DERA: variants seen among roughly 807,000 people sequenced by gnomAD.
DERA encodes deoxyribose-phosphate aldolase, also known as 2-deoxy-D-ribose 5-phosphate aldolase.
Under a neutral mutation model 41.1 loss-of-function variants are expected in DERA, and 15 were observed. The observed-to-expected ratio is 0.37, with a 90% CI of 0.24 to 0.56. DERA has a LOEUF of 0.56. Ranked by LOEUF, DERA falls within the 20% of genes least tolerant of loss-of-function variation. The pLI is 0.81. For missense variants in DERA, 396 were observed against 403.4 expected (o/e 0.98, Z 0.16); for synonymous variants, 139 against 137.4 (o/e 1.01, Z -0.08).
chr12:15,958,620 T>C (rs1948559572), intron 3 of DERA, among the ~76,000 whole-genome samples: 1 of 152,018 alleles, frequency 6.6e-6, no homozygotes, highest in African/African-American at 2.4e-5. Context: ...GGAAAATTTC[T>C]GTTTAGTGAC....
At position 16,008,620 on chromosome 12, in the gene DERA, C is replaced by T. The variant is rs563247166; in HGVS notation, c.638-23922C>T. Among the ~76,000 whole-genome samples the T allele has an allele frequency of 1.7e-4, 26 of 152,300 alleles. No individual in the cohort carries two copies. Among genetic ancestry groups the T allele is most frequent in the Admixed American group, 1.4e-3 (22 of 15,298 alleles). The stretch of plus-strand genomic sequence containing the variant: ...GGATTGAGTGTGGCCACAGATAGCA[C>T]GGAACATGATAACGGTGGCTTAAAT... On this transcript the variant is annotated intron_variant, in intron 6 of 8. Coordinates refer to ENST00000428559, the MANE Select transcript of DERA (RefSeq NM_015954.4). The surrounding 1 kb of genome is among the most constrained non-coding windows in gnomAD (Gnocchi z 4.8).
intron 4 of DERA, among the ~76,000 whole-genome samples, chr12:15,962,428 C>T (rs1361665186): frequency 6.6e-6 from 1 of 152,152 alleles, no homozygotes; most frequent in Non-Finnish European, 1.5e-5. Context: ...GATTTGGACC[C>T]AGAACTAGTG....
At chr12:15,951,374 G>T (rs1208424900) in intron 1 of DERA, 4 of 152,256 alleles carry the variant, frequency 2.6e-5, no homozygotes, top group African/African-American at 7.2e-5. Flanking sequence ...CTGACATTGT[G>T]TAGCTGTATC....
Position 15,999,760 on chromosome 12 carries a change from G to T in DERA, c.637+17324G>T, listed in dbSNP as rs1948862316. Among the ~76,000 whole-genome samples, 1 of 152,128 alleles carries T rather than the reference G, an allele frequency of 6.6e-6. No homozygotes were observed. Among genetic ancestry groups the T allele is most frequent in the Non-Finnish European group, 1.5e-5 (1 of 68,028 alleles). On this transcript the variant is annotated intron_variant, in intron 6 of 8. Coordinates refer to ENST00000428559, the MANE Select transcript of DERA (RefSeq NM_015954.4). This position sits in a 1 kb window ranked among gnomAD's most constrained non-coding sequence, Gnocchi z 5.3. ...GCCTGAGGAATGAATGATTGACTGA[G>T]TAACTCATTCATTCATTCATTTATT...
At chr12:16,028,763 A>G (rs865945903) in intron 6 of DERA, among the ~76,000 whole-genome samples, 1 of 152,190 alleles carries the variant, frequency 6.6e-6, no homozygotes, top group Non-Finnish European at 1.5e-5. Flanking sequence ...GTGATGAGAA[A>G]AACATTTAAC....
intron 1 of DERA, among the ~76,000 whole-genome samples, chr12:15,934,259 G>T (rs1355112412): frequency 6.6e-6 from 1 of 152,108 alleles, no homozygotes; most frequent in African/African-American, 2.4e-5. Context: ...TAGACAGCCT[G>T]CGGGTTTGGA....
rs1171065504 is a variant in DERA at position 15,988,591 on chromosome 12, G to A, written c.637+6155G>A. On this transcript the variant is annotated intron_variant, in intron 6 of 8. Transcript: ENST00000428559. This position sits in a 1 kb window ranked among gnomAD's most constrained non-coding sequence, Gnocchi z 6.0. ...GATTGGTCCATGGGCGGCCATGGAT[G>A]GGCCTGGAAAAAGCACCATCGGACT... Among the ~76,000 whole-genome samples the A allele has an allele frequency of 6.6e-6, 1 of 152,106 alleles. No individual in the cohort carries two copies. Among genetic ancestry groups the A allele is most frequent in the African/African-American group, 2.4e-5 (1 of 41,440 alleles).
intron 6 of DERA, among the ~76,000 whole-genome samples, chr12:16,007,478 C>T (rs1278676331): frequency 1.3e-5 from 2 of 152,048 alleles, no homozygotes; most frequent in African/African-American, 4.8e-5. Flanking sequence ...GCCACTGTGC[C>T]CCGCCAATAG....
At chr12:15,927,385 T>C (rs1330936221) in intron 1 of DERA, among the ~76,000 whole-genome samples, 1 of 152,188 alleles carries the variant, frequency 6.6e-6, no homozygotes, top group Non-Finnish European at 1.5e-5. Flanking sequence ...GAGACAAGTG[T>C]TCATACACTA....
rs921986234 is a variant in DERA, at chr12:15,915,824, C to T, written c.31+4410C>T. 5.9e-5 allele frequency among the ~76,000 whole-genome samples: 9 copies of T among 152,158 alleles called. No individual in the cohort carries two copies. Among genetic ancestry groups the T allele is most frequent in the Non-Finnish European group, 8.8e-5 (6 of 68,032 alleles). On this transcript the variant is annotated intron_variant, in intron 1 of 8. Transcript: ENST00000428559. This position sits in a 1 kb window ranked among gnomAD's most constrained non-coding sequence, Gnocchi z 4.8. ...AGATAGCATGATCCAGGTTTACACA[C>T]GAGCAAACTGAGGTACAGGGAGTTT...
rs145634056 is a variant in DERA at position 15,980,225 on chromosome 12, A to G, written c.509-2083A>G. Among the ~76,000 whole-genome samples, 836 of 152,358 alleles carry G rather than the reference A, an allele frequency of 5.5e-3. 10 individuals carry two copies. The highest frequency in any genetic ancestry group is 0.019 in the African/African-American group (808 of 41,578). On this transcript the variant is annotated intron_variant, in intron 5 of 8. Coordinates refer to ENST00000428559, the MANE Select transcript of DERA (RefSeq NM_015954.4). ...CTCATTCCTGGTAACCCTGTAAAGT[A>G]AATATTATTGACACTTTAAGGATGG...
Position 16,017,636 on chromosome 12 carries a change from A to G in DERA, c.638-14906A>G, listed in dbSNP as rs923671881. On this transcript the variant is annotated intron_variant, in intron 6 of 8. Coordinates refer to ENST00000428559, the MANE Select transcript of DERA (RefSeq NM_015954.4). This position sits in a 1 kb window ranked among gnomAD's most constrained non-coding sequence, Gnocchi z 5.5. ...ATTGCCCTAAGTGATTTCCAAACCT[A>G]TGTTGAACAAAAGAATACAATATTG... is the stretch of plus-strand genomic sequence containing the variant. Among the ~76,000 whole-genome samples, 6 of 152,190 alleles carry G rather than the reference A, an allele frequency of 3.9e-5. No individual in the cohort carries two copies. The highest frequency in any genetic ancestry group is 1.9e-4 in the East Asian group (1 of 5,192).
At chr12:15,953,398 A>G (rs560753306) in intron 1 of DERA, among the ~76,000 whole-genome samples, 3 of 152,358 alleles carry the variant, frequency 2.0e-5, no homozygotes, top group South Asian at 4.1e-4. Context: ...TGGAAAGTCT[A>G]GAAAGTAAAG....
rs544460468 is a variant in DERA, at chr12:16,012,236, A to G, written c.638-20306A>G. ...ACAAGTCCTACACAGTCATGAGTTTATAAGTGTAGTTTTAGAGTTACTCCT... is the reference window on the plus strand; with the variant it reads ...ACAAGTCCTACACAGTCATGAGTTTGTAAGTGTAGTTTTAGAGTTACTCCT... On this transcript the variant is annotated intron_variant, in intron 6 of 8. Transcript: ENST00000428559. This position sits in a 1 kb window ranked among gnomAD's most constrained non-coding sequence, Gnocchi z 4.1. Among the ~76,000 whole-genome samples, 2 of 152,336 alleles carry G rather than the reference A, an allele frequency of 1.3e-5. No homozygotes were observed. Among genetic ancestry groups the G allele is most frequent in the African/African-American group, 2.4e-5 (1 of 41,574 alleles).
In DERA at chr12:15,993,099, G is replaced by T. The variant is rs372497320; in HGVS notation, c.637+10663G>T. Among the ~76,000 whole-genome samples, 22 of 152,148 alleles carry T rather than the reference G, an allele frequency of 1.4e-4. 1 individual carries two copies. In the East Asian group the frequency reaches 4.1e-3, roughly 28 times the overall value. ...TGAAACATGAAAAAGGTAGAATCCA[G>T]GGGAGGGAACATTCAAAATTCAACC... On this transcript the variant is annotated intron_variant, in intron 6 of 8. Coordinates refer to ENST00000428559, the MANE Select transcript of DERA (RefSeq NM_015954.4). This position sits in a 1 kb window ranked among gnomAD's most constrained non-coding sequence, Gnocchi z 4.4.
At chr12:15,923,958 A>G (rs971319348) in intron 1 of DERA, among the ~76,000 whole-genome samples, 74 of 152,118 alleles carry the variant, frequency 4.9e-4, no homozygotes, top group African/African-American at 1.6e-3. Flanking sequence ...ATGTTCTTTC[A>G]TTTCATGAAA....
At chr12:16,032,947 G>A (rs1160842258) in intron 7 of DERA, 1 of 302,736 alleles carries the variant, frequency 3.3e-6, no homozygotes, top group Non-Finnish European at 6.2e-6. Context: ...ATTCCTAAAT[G>A]GGTTCTTTAA....
Position 15,941,557 on chromosome 12 carries a change from C to T in DERA, c.32-15379C>T, listed in dbSNP as rs949304269. ...TCTCTCCCGCTGAATCCTCAGAGTT[C>T]GCTATATCATCCTTATGCCTTTGTG... On this transcript the variant is annotated intron_variant, in intron 1 of 8. Transcript: ENST00000428559. This position sits in a 1 kb window ranked among gnomAD's most constrained non-coding sequence, Gnocchi z 4.5. Among the ~76,000 whole-genome samples the T allele has an allele frequency of 4.6e-5, 7 of 152,110 alleles. No homozygotes were observed. The highest frequency in any genetic ancestry group is 1.2e-4 in the African/African-American group (5 of 41,402).
chr12:15,949,711 C>T (rs1948482429), intron 1 of DERA, among the ~76,000 whole-genome samples: 1 of 152,160 alleles, frequency 6.6e-6, no homozygotes, highest in Non-Finnish European at 1.5e-5. Context: ...CTGTCCTGCA[C>T]CCACTGTCCG....
Sources: gnomAD v4.1 joint callset for allele counts (sites outside exome capture counted in the v4.1 genomes callset) on GRCh38, gnomAD v4.1.1 for gene constraint, Gnocchi (gnomAD v3.1) non-coding constraint, MANE v1.5 for transcripts, NCBI Gene and HGNC (gene_info 2026-07-23, HGNC 2026-07-21) for gene names.